The following OPRM1 variants were observed in gnomAD, a reference collection of about 807,000 sequenced individuals.
OPRM1 encodes the protein mu-type opioid receptor.
OPRM1 carries 27 observed loss-of-function variants against 31.8 expected under a neutral mutation model. That is an observed-to-expected ratio of 0.85 (90% CI 0.63 to 1.17). The LOEUF is 1.17. Among genes scored for constraint, OPRM1 ranks in the 50% most tolerant of loss-of-function variants. The pLI is 0.00. For missense variants in OPRM1, 536 were observed against 511.1 expected (o/e 1.05, Z -0.47); for synonymous variants, 196 against 189.9 (o/e 1.03, Z -0.26).
intron 1 of OPRM1, among the ~76,000 whole-genome samples, chr6:154,076,656 C>T (rs1453353209): frequency 6.6e-6 from 1 of 152,136 alleles, no homozygotes; most frequent in Non-Finnish European, 1.5e-5. Flanking sequence ...CTTTCCAGAT[C>T]CTGAATCTGA....
chr6:154,196,701 G>T (rs1776650182), intron 3 of OPRM1, among the ~76,000 whole-genome samples: 1 of 152,118 alleles, frequency 6.6e-6, no homozygotes, highest in Non-Finnish European at 1.5e-5. Flanking sequence ...GGGTAAAATT[G>T]AGCTGAAATG....
chr6:154,100,109 A>C lies in OPRM1; in HGVS notation c.1164+8637A>C, dbSNP rs1265660404. On this transcript the variant is annotated intron_variant, in intron 3 of 3. Transcript: ENST00000330432. The stretch of plus-strand genomic sequence containing the variant: ...TATATTATCATATTATGATATATAT[A>C]TTATATATTATCATATTATGACATA... Among the ~76,000 whole-genome samples, 9 of 38,400 alleles carry C rather than the reference A, an allele frequency of 2.3e-4. 2 individuals are homozygous for C. Among genetic ancestry groups the C allele is most frequent in the South Asian group, 1.5e-3 (1 of 646 alleles). The allele number at this position is 38,400 out of a possible 152,430, so 25.2% of individuals were successfully genotyped here. A position where few individuals can be genotyped will look rare whatever the true frequency, so the allele number is the denominator to read the frequency against.
At chr6:154,199,842 G>T in intron 3 of OPRM1, 1 of 1,614,170 alleles carries the variant, frequency 6.2e-7, no homozygotes, top group Non-Finnish European at 8.5e-7. Flanking sequence ...ACAGGTGAAT[G>T]AACTTGCACA....
rs1346148592 is a variant in OPRM1, at chr6:154,121,884, C to T, written c.*3163C>T. Among the ~76,000 whole-genome samples, 2 of 152,162 alleles carry T rather than the reference C, an allele frequency of 1.3e-5. No individual in the cohort carries two copies. Among genetic ancestry groups the T allele is most frequent in the Non-Finnish European group, 2.9e-5 (2 of 68,022 alleles). On this transcript the variant is annotated 3_prime_UTR_variant, in exon 4 of 4. Transcript: ENST00000330432. The stretch of plus-strand genomic sequence containing the variant: ...AAACAAGATCTTTTTGGTAATGCTT[C>T]AATTAAATGTTTTATCTAAATATGT...
intron 3 of OPRM1, chr6:154,246,483 G>T: frequency 7.9e-7 from 1 of 1,265,294 alleles, no homozygotes; most frequent in Non-Finnish European, 1.1e-6. Context: ...TATTTACTCC[G>T]CTCCAATTCC....
At chr6:154,115,531 C>T (rs761793459) in intron 3 of OPRM1, among the ~76,000 whole-genome samples, 2 of 152,114 alleles carry the variant, frequency 1.3e-5, no homozygotes, top group Non-Finnish European at 2.9e-5. Flanking sequence ...CAGAGTGAGG[C>T]TCTGCCTCAA....
chr6:154,219,941 G>A (rs1778719348), intron 3 of OPRM1, among the ~76,000 whole-genome samples: 1 of 151,708 alleles, frequency 6.6e-6, no homozygotes, highest in Non-Finnish European at 1.5e-5. Context: ...GGGGACAGAT[G>A]AGAGTCCTTC....
At chr6:154,079,710 A>C (rs1368777973) in intron 1 of OPRM1, among the ~76,000 whole-genome samples, 1 of 152,188 alleles carries the variant, frequency 6.6e-6, no homozygotes, top group Non-Finnish European at 1.5e-5. Flanking sequence ...TATCTTTTTA[A>C]TTAGTTTTCA....
At chr6:154,180,937 T>C (rs1275034504) in intron 3 of OPRM1, among the ~76,000 whole-genome samples, 2 of 152,180 alleles carry the variant, frequency 1.3e-5, no homozygotes, top group East Asian at 3.9e-4. Flanking sequence ...TCTAAGTGCC[T>C]GAGAAAGAAA....
chr6:154,160,940 T>G (rs948152920), intron 3 of OPRM1, among the ~76,000 whole-genome samples: 2 of 152,198 alleles, frequency 1.3e-5, no homozygotes, highest in Non-Finnish European at 2.9e-5. Flanking sequence ...GGGATGCATG[T>G]AAATGCCGAG....
chr6:154,058,242 T>C (rs951200044), intron 1 of OPRM1, among the ~76,000 whole-genome samples: 3 of 152,220 alleles, frequency 2.0e-5, no homozygotes, highest in African/African-American at 7.2e-5. Flanking sequence ...TGCCTTCTGC[T>C]ATATCAAAAA....
rs2128528181 is a variant in OPRM1, at chr6:154,123,583, A to G, written c.*4862A>G. ...CTACTCCATAGGCAGCGTAGCCCCA[A>G]GGGCTGCTGGTTGGCTATTTTTGTG... is the stretch of plus-strand genomic sequence containing the variant. On this transcript the variant is annotated 3_prime_UTR_variant, in exon 4 of 4. Coordinates refer to ENST00000330432, the MANE Select transcript of OPRM1 (RefSeq NM_000914.5). 6.6e-6 allele frequency among the ~76,000 whole-genome samples: 1 copy of G among 152,348 alleles called. No homozygotes were observed. Among genetic ancestry groups the G allele is most frequent in the South Asian group, 2.1e-4 (1 of 4,832 alleles).
chr6:154,011,973 A>G (rs1202977289), intron 1 of OPRM1, among the ~76,000 whole-genome samples: 2 of 152,158 alleles, frequency 1.3e-5, no homozygotes, highest in African/African-American at 4.8e-5. Context: ...AATTTAAGTT[A>G]TTGGACTTCC....
chr6:154,240,888 T>C (rs1232781606), intron 3 of OPRM1, among the ~76,000 whole-genome samples: 2 of 152,164 alleles, frequency 1.3e-5, no homozygotes, highest in Non-Finnish European at 2.9e-5. Context: ...CTGTAATATA[T>C]ACAAAACCAG....
chr6:154,150,434 C>T (rs1798469356), intron 3 of OPRM1, among the ~76,000 whole-genome samples: 1 of 152,188 alleles, frequency 6.6e-6, no homozygotes, highest in South Asian at 2.1e-4. Flanking sequence ...CAGACTAGCC[C>T]TTCCCCCATT....
intron 3 of OPRM1, among the ~76,000 whole-genome samples, chr6:154,166,788 A>G (rs1284467283): frequency 6.6e-6 from 1 of 152,196 alleles, no homozygotes. Context: ...AGACAGTAAA[A>G]TCCCAACACG....
chr6:154,148,373 T>G (rs1278265736), intron 3 of OPRM1, among the ~76,000 whole-genome samples: 3 of 152,224 alleles, frequency 2.0e-5, no homozygotes, highest in African/African-American at 7.2e-5. Flanking sequence ...TTATTGGGAC[T>G]CTGCATTGAC....
At chr6:154,035,836 G>T (rs546012257), upstream of OPRM1, among the ~76,000 whole-genome samples, 1 of 152,232 alleles carries the variant, frequency 6.6e-6, no homozygotes, top group African/African-American at 2.4e-5. Context: ...CAATCTAAAT[G>T]TATAGATAAT....
intron 1 of OPRM1, among the ~76,000 whole-genome samples, chr6:154,033,032 T>A (rs1779098118): frequency 6.6e-6 from 1 of 152,134 alleles, no homozygotes; most frequent in African/African-American, 2.4e-5. Context: ...TGATTTGAGA[T>A]TACTTAAGAA....
Sources: allele counts gnomAD v4.1 joint callset (sites outside exome capture counted in the v4.1 genomes callset), GRCh38; gene constraint gnomAD v4.1.1; transcripts MANE v1.5; gene names NCBI Gene and HGNC (gene_info 2026-07-23, HGNC 2026-07-21).